The following WDR17 variants were observed in gnomAD, a reference collection of about 807,000 sequenced individuals.
The protein encoded by WDR17 is WD repeat-containing protein 17.
In WDR17, 143 loss-of-function variants were observed where a neutral mutation model predicts 161.7. The observed-to-expected ratio is 0.88, with a 90% confidence interval of 0.77 to 1.02. The LOEUF (loss-of-function observed/expected upper bound fraction) is 1.02, where lower values mean the gene tolerates loss of function less well. Among genes scored for constraint, WDR17 ranks in the 50% least tolerant of loss-of-function variants. The probability of loss-of-function intolerance (pLI) is 0.00; values close to 1 mark genes in which losing one functional copy is unlikely to be tolerated. For missense variants in WDR17, 1,469 were observed against 1,520.9 expected (o/e 0.97, Z 0.57); for synonymous variants, 517 against 515.6 (o/e 1.00, Z -0.04).
Position 176,151,711 on chromosome 4 carries a change from C to T in WDR17, c.2305-101C>T, listed in dbSNP as rs537299992. On this transcript the variant is annotated intron_variant, in intron 16 of 28. Transcript: ENST00000508596. ...TTTGTGTGTTAGGAACATTTCAATT[C>T]CGCTCTATTAGTTATTTCAAAATAT... 7.0e-4 allele frequency: 739 copies of T among 1,059,054 alleles called. 1 individual carries two copies. Among genetic ancestry groups the T allele is most frequent in the Non-Finnish European group, 9.5e-4 (719 of 755,266 alleles). The allele number at this position is 1,059,054 out of a possible 1,614,324, so 65.6% of individuals were successfully genotyped here.
At chr4:176,129,730 A>G (rs909162831) in intron 6 of WDR17, among the ~76,000 whole-genome samples, 1 of 152,198 alleles carries the variant, frequency 6.6e-6, no homozygotes, top group Non-Finnish European at 1.5e-5. Context: ...CAAGTAGTAG[A>G]AAATCTCTAT....
intron 1 of WDR17, among the ~76,000 whole-genome samples, chr4:176,099,728 A>G (rs1561096361): frequency 6.6e-6 from 1 of 151,968 alleles, no homozygotes; most frequent in Non-Finnish European, 1.5e-5. Flanking sequence ...ATTTCTCATC[A>G]TCCACCCCCT....
intron 1 of WDR17, among the ~76,000 whole-genome samples, chr4:176,099,605 A>T (rs180965752): frequency 1.1e-3 from 171 of 152,294 alleles, no homozygotes; most frequent in Non-Finnish European, 2.1e-3. Context: ...AATAATTTAT[A>T]TAAAATTATG....
At chr4:176,146,878 T>A (rs769602207) in intron 12 of WDR17, among the ~76,000 whole-genome samples, 214 of 120,430 alleles carry the variant, frequency 1.8e-3, no homozygotes, top group Admixed American at 2.6e-3. Flanking sequence ...AAAAAAAAAA[T>A]TTTTTTTTTG....
intron 23 of WDR17, among the ~76,000 whole-genome samples, chr4:176,169,757 G>T (rs1158119974): frequency 1.3e-5 from 2 of 152,262 alleles, no homozygotes; most frequent in Admixed American, 1.3e-4. Flanking sequence ...CGTGTGGGTG[G>T]ATATGTGTAT....
chr4:176,148,211 A>G lies in WDR17; in HGVS notation c.1773A>G (p.Leu591=), dbSNP rs772325095. 3 of 1,613,910 alleles carry G rather than the reference A, an allele frequency of 1.9e-6. No individual in the cohort carries two copies. In the African/African-American group the frequency reaches 4.0e-5, roughly 22 times the overall value. The change falls in exon 13 of 29, where the codon TTA becomes TTG. Residue 591 remains leucine (L), a synonymous_variant. Transcript: ENST00000508596. ...GACACACTGCACCTGTGAGAGGATT[A>G]ATGTGGAATACTGAGATTCCATATC... The part of the protein sequence containing the change: ...LNGHTAPVRG[L]MWNTEIPYLL...
chr4:176,094,586 C>T (rs1429000353), intron 1 of WDR17, among the ~76,000 whole-genome samples: 1 of 152,168 alleles, frequency 6.6e-6, no homozygotes, highest in East Asian at 1.9e-4. Flanking sequence ...AGAAGGACAA[C>T]ATATATTTCG....
At chr4:176,072,113 T>C (rs1190176046) in intron 1 of WDR17, among the ~76,000 whole-genome samples, 1 of 152,218 alleles carries the variant, frequency 6.6e-6, no homozygotes, top group Non-Finnish European at 1.5e-5. Flanking sequence ...CTTCTAAGCT[T>C]TTAAGAACAT....
chr4:176,124,913 TG>T (rs1742209564), intron 4 of WDR17, among the ~76,000 whole-genome samples, 190 bp from the exon 5 acceptor site: 2 of 152,348 alleles, frequency 1.3e-5, no homozygotes, highest in South Asian at 4.1e-4. Flanking sequence ...GCATTGAGCC[TG>T]ACCTTCATCA....
chr4:176,157,536 C>A (rs1351539139), intron 18 of WDR17, among the ~76,000 whole-genome samples: 1 of 152,154 alleles, frequency 6.6e-6, no homozygotes, highest in East Asian at 1.9e-4. Flanking sequence ...GTCCCTGTAC[C>A]CTCACAGCAC....
intron 10 of WDR17, among the ~76,000 whole-genome samples, chr4:176,140,801 A>G (rs1039673565): frequency 6.8e-6 from 1 of 146,982 alleles, no homozygotes; most frequent in Non-Finnish European, 1.5e-5. Flanking sequence ...TTCAGAAACA[A>G]CAATATTAGT....
Position 176,174,675 on chromosome 4 carries a change from A to G in WDR17, c.3406A>G (p.Arg1136Gly), listed in dbSNP as rs766138696. ...CATTGGTGCATTACTGGCTATCAGA[A>G]GACAGTACCAAAGCATTGTTCCAGC... ...GYIGALLAIR[R>G]QYQSIVPALY... is the part of the protein sequence containing the mutation. The change falls in exon 26 of 29, where the codon AGA becomes GGA. Residue 1136 changes from arginine to glycine, a missense_variant. By Grantham distance (125) the Arg-to-Gly change is moderately radical. Transcript: ENST00000508596. 6.2e-7 allele frequency: 1 copy of G among 1,612,492 alleles called. No homozygotes were observed. The highest frequency in any genetic ancestry group is 1.1e-5 in the South Asian group (1 of 90,884).
rs370261741 is a variant in WDR17, at chr4:176,099,169, A to G, written c.-6-12406A>G. Among the ~76,000 whole-genome samples, 6 of 152,278 alleles carry G rather than the reference A, an allele frequency of 3.9e-5. No individual in the cohort carries two copies. The East Asian group carries it at 7.7e-4, about 20-fold the overall frequency. On this transcript the variant is annotated intron_variant, in intron 1 of 28. Transcript: ENST00000508596. Reference sequence around the variant, plus strand: ...GCTACTCCATTTTAGCCAATAAAAAATTGAACGCATTGAAAACTCAACAAC... The same window carrying G: ...GCTACTCCATTTTAGCCAATAAAAAGTTGAACGCATTGAAAACTCAACAAC...
chr4:176,104,567 A>G (rs991907122), intron 1 of WDR17, among the ~76,000 whole-genome samples: 7 of 152,000 alleles, frequency 4.6e-5, no homozygotes, highest in Admixed American at 2.6e-4. Flanking sequence ...ATATATAAAG[A>G]TGTAATTTTT....
At chr4:176,071,733 A>G (rs2126549374) in intron 1 of WDR17, among the ~76,000 whole-genome samples, 1 of 152,364 alleles carries the variant, frequency 6.6e-6, no homozygotes, top group South Asian at 2.1e-4. Flanking sequence ...AATTATTTCC[A>G]TGTTGCAGCA....
chr4:176,177,482 ACT>A lies in WDR17; in HGVS notation c.3564_3565del (p.Pro1189ValfsTer6), dbSNP rs780383577. 1.3e-6 allele frequency: 2 copies of A among 1,552,398 alleles called. No individual in the cohort carries two copies. The highest frequency in any genetic ancestry group is 4.6e-5 in the Admixed American group (2 of 43,162). On this transcript the variant is annotated frameshift_variant, in exon 28 of 29. Coordinates refer to ENST00000508596, the MANE Select transcript of WDR17 (RefSeq NM_181265.4). LOFTEE classifies it high-confidence loss of function. ...TGTTGAAAATATAGATCATTAGAAG[ACT>A]CTCCGTATACACCCCCTTCTGATTC...
At chr4:176,107,405 A>G (rs1276418315) in intron 1 of WDR17, among the ~76,000 whole-genome samples, 1 of 148,982 alleles carries the variant, frequency 6.7e-6, no homozygotes, top group Non-Finnish European at 1.5e-5. Flanking sequence ...TAGAATTATT[A>G]TTTGATCTAG....
At chr4:176,086,501 G>A (rs1305075026) in intron 1 of WDR17, among the ~76,000 whole-genome samples, 1 of 151,744 alleles carries the variant, frequency 6.6e-6, no homozygotes, top group Non-Finnish European at 1.5e-5. Context: ...CCAGTTTTAG[G>A]ATTATTATAC....
chr4:176,150,487 A>G lies in WDR17; in HGVS notation c.2198A>G (p.Asn733Ser), dbSNP rs1746944031. 1 of 1,608,688 alleles carries G rather than the reference A, an allele frequency of 6.2e-7. No homozygotes were observed. The highest frequency in any genetic ancestry group is 1.3e-5 in the African/African-American group (1 of 74,748). Reference protein sequence around the residue: ...ECLSPPGGSDNLWNLVAVIKG... With the variant: ...ECLSPPGGSDSLWNLVAVIKG... ...CTTTAGCCTCCAGGTGGCAGTGACA[A>G]TTTATGGAACTTGGTTGCTGTGATA... The change falls in exon 16 of 29, where the codon AAT (asparagine) becomes AGT (serine). Residue 733 changes from asparagine (N) to serine (S), a missense_variant. Physicochemically the swap from Asn to Ser is conservative, Grantham distance 46. Coordinates refer to ENST00000508596, the MANE Select transcript of WDR17 (RefSeq NM_181265.4).
Sources: allele counts gnomAD v4.1 joint callset (sites outside exome capture counted in the v4.1 genomes callset), GRCh38; gene constraint gnomAD v4.1.1; transcripts MANE v1.5; gene names NCBI Gene and HGNC (gene_info 2026-07-23, HGNC 2026-07-21).